Variants in CNTN4 observed in about 807,000 individuals in gnomAD.
CNTN4 encodes contactin-4.
Under a neutral mutation model 122.5 loss-of-function variants are expected in CNTN4, and 77 were observed. The ratio of observed to expected loss-of-function variants is 0.63; its 90% CI spans 0.52 to 0.76. The LOEUF is 0.76. CNTN4 is among the 30% of genes least tolerant of loss of function. The pLI, the probability that CNTN4 is intolerant of heterozygous loss-of-function variation, is 0.00. For missense variants in CNTN4, 1,256 were observed against 1,259.1 expected (o/e 1.00, Z 0.04); for synonymous variants, 512 against 447.0 (o/e 1.15, Z -1.83).
chr3:2,882,901 G>T, intron 8 of CNTN4: 1 of 434,882 alleles, frequency 2.3e-6, no homozygotes, highest in Non-Finnish European at 4.3e-6. Context: ...GAGGGGCAAA[G>T]TTGTATGCAT....
At chr3:2,976,509 T>C (rs1693427160) in intron 13 of CNTN4, among the ~76,000 whole-genome samples, 1 of 147,850 alleles carries the variant, frequency 6.8e-6, no homozygotes, top group South Asian at 2.2e-4. Context: ...TGATGTCTAT[T>C]GCCACCACAG....
chr3:2,808,394 G>C (rs1345076448), intron 6 of CNTN4, among the ~76,000 whole-genome samples: 1 of 152,018 alleles, frequency 6.6e-6, no homozygotes, highest in African/African-American at 2.4e-5. Context: ...TTGGTACAAT[G>C]AATTACAACC....
At chr3:2,614,408 G>T (rs1166441936) in intron 4 of CNTN4, among the ~76,000 whole-genome samples, 1 of 152,114 alleles carries the variant, frequency 6.6e-6, no homozygotes, top group Non-Finnish European at 1.5e-5. Context: ...AGATCCACTT[G>T]ATCAAAAAGT....
intron 17 of CNTN4, among the ~76,000 whole-genome samples, chr3:3,035,927 TAAAA>T (rs34297312): frequency 7.0e-6 from 1 of 143,012 alleles, no homozygotes; most frequent in African/African-American, 2.6e-5. Context: ...TACAAATTCT[TAAAA>T]AAAAAAAAAA....
intron 2 of CNTN4, among the ~76,000 whole-genome samples, chr3:2,126,977 C>G (rs1306564309): frequency 2.0e-5 from 3 of 152,156 alleles, no homozygotes; most frequent in African/African-American, 7.2e-5. Context: ...TGACTTTTGT[C>G]TGATGAGGAG....
Position 2,154,442 on chromosome 3 carries a change from C to A in CNTN4, c.-145+53803C>A, listed in dbSNP as rs548546159. On this transcript the variant is annotated intron_variant, in intron 2 of 24. Coordinates refer to ENST00000418658, the MANE Select transcript of CNTN4 (RefSeq NM_175607.3). The stretch of plus-strand genomic sequence containing the variant: ...CTCCTTTCCAAATTATATTTTGTTC[C>A]ATCCTGGATCATTCAGTCTACACTG... 3.3e-5 allele frequency among the ~76,000 whole-genome samples: 5 copies of A among 151,986 alleles called. No individual in the cohort carries two copies. The South Asian group carries it at 1.0e-3, about 32-fold the overall frequency.
chr3:2,695,214 G>A (rs188287617), intron 4 of CNTN4, among the ~76,000 whole-genome samples: 21 of 152,232 alleles, frequency 1.4e-4, no homozygotes, highest in East Asian at 1.9e-4. Context: ...TATGAGAAAC[G>A]TATTACTGAG....
intron 13 of CNTN4, among the ~76,000 whole-genome samples, chr3:2,926,490 AT>A (rs2094474790): frequency 6.6e-6 from 1 of 152,198 alleles, no homozygotes; most frequent in South Asian, 2.1e-4. Flanking sequence ...CCCCTGTAAA[AT>A]ATCCCCTACC....
intron 3 of CNTN4, among the ~76,000 whole-genome samples, chr3:2,517,410 T>A (rs944623820): frequency 1.3e-5 from 2 of 152,108 alleles, no homozygotes; most frequent in African/African-American, 2.4e-5. Flanking sequence ...CCCCCACTCC[T>A]CCCTCCAATG....
intron 23 of CNTN4, among the ~76,000 whole-genome samples, chr3:3,043,950 G>A (rs1466987928): frequency 1.3e-5 from 2 of 152,128 alleles, no homozygotes; most frequent in African/African-American, 4.8e-5. Context: ...TAAAGACCCT[G>A]TGTTTGGGTC....
chr3:2,447,079 A>AT (rs975545049), intron 3 of CNTN4, among the ~76,000 whole-genome samples: 3 of 152,176 alleles, frequency 2.0e-5, no homozygotes, highest in Non-Finnish European at 4.4e-5. Context: ...GCTTGACACT[A>AT]TCATTATTCC....
chr3:3,036,498 C>T (rs994790433), intron 17 of CNTN4, among the ~76,000 whole-genome samples: 3 of 152,040 alleles, frequency 2.0e-5, no homozygotes, highest in Non-Finnish European at 4.4e-5. Flanking sequence ...CGCAGTGGCT[C>T]ACAACTGTCA....
At chr3:2,747,610 A>G (rs1414976467) in intron 6 of CNTN4, among the ~76,000 whole-genome samples, 1 of 152,172 alleles carries the variant, frequency 6.6e-6, no homozygotes, top group Admixed American at 6.5e-5. Context: ...TAACCAAAAC[A>G]AAAAACAAAA....
chr3:2,714,423 G>T (rs1477449259), intron 4 of CNTN4, among the ~76,000 whole-genome samples: 1 of 152,046 alleles, frequency 6.6e-6, no homozygotes, highest in African/African-American at 2.4e-5. Context: ...AGCAAGTGGG[G>T]AAGTGTTGGG....
At chr3:2,613,315 A>C (rs145898295) in intron 4 of CNTN4, among the ~76,000 whole-genome samples, 2 of 152,076 alleles carry the variant, frequency 1.3e-5, no homozygotes, top group East Asian at 1.9e-4. Flanking sequence ...AGCCAAACCA[A>C]TTCCTGGCAA....
intron 2 of CNTN4, among the ~76,000 whole-genome samples, chr3:2,104,229 CGTGTGTGTGT>C (rs142907603): frequency 8.1e-5 from 11 of 135,586 alleles, no homozygotes. Context: ...TTTATGTCTA[CGTGTGTGTGT>C]GTGTGTGTGT....
intron 6 of CNTN4, among the ~76,000 whole-genome samples, chr3:2,793,069 A>T (rs1229480942): frequency 1.3e-5 from 2 of 152,198 alleles, no homozygotes; most frequent in African/African-American, 4.8e-5. Context: ...AATTATTTCC[A>T]CATGATAGGC....
At chr3:3,001,384 TA>T (rs1487392797) in intron 14 of CNTN4, among the ~76,000 whole-genome samples, 1 of 152,146 alleles carries the variant, frequency 6.6e-6, no homozygotes, top group Admixed American at 6.5e-5. Flanking sequence ...CATCACTGGA[TA>T]AGGAGTGAGT....
At chr3:2,436,048 T>C (rs2048246787) in intron 3 of CNTN4, among the ~76,000 whole-genome samples, 1 of 152,168 alleles carries the variant, frequency 6.6e-6, no homozygotes, top group Non-Finnish European at 1.5e-5. Context: ...GAAGTTGAAT[T>C]GAATTAGTTT....
Sources: allele counts gnomAD v4.1 joint callset (sites outside exome capture counted in the v4.1 genomes callset), GRCh38; gene constraint gnomAD v4.1.1; transcripts MANE v1.5; gene names NCBI Gene and HGNC (gene_info 2026-07-23, HGNC 2026-07-21).